NIM1K: variants seen among roughly 807,000 people sequenced by gnomAD.
NIM1K encodes the protein NIM1 serine/threonine protein kinase.
Under a neutral mutation model 37.1 loss-of-function variants are expected in NIM1K, and 35 were observed. The observed-to-expected ratio is 0.94, with a 90% CI of 0.72 to 1.25. The LOEUF (loss-of-function observed/expected upper bound fraction) is 1.25. NIM1K is among the 50% of genes most tolerant of loss of function. The pLI, the probability that NIM1K is intolerant of heterozygous loss-of-function variation, is 0.00. For missense variants in NIM1K, 564 were observed against 548.0 expected (o/e 1.03, Z -0.29); for synonymous variants, 234 against 206.6 (o/e 1.13, Z -1.14).
chr5:43,264,873 T>G (rs957731659), intron 2 of NIM1K, among the ~76,000 whole-genome samples: 2 of 152,230 alleles, frequency 1.3e-5, no homozygotes, highest in Admixed American at 6.5e-5. Context: ...CTTCTTCACT[T>G]ATGAAGCTTA....
chr5:43,218,726 T>TA (rs1459106067), intron 1 of NIM1K, among the ~76,000 whole-genome samples: 1 of 139,752 alleles, frequency 7.2e-6, no homozygotes, highest in African/African-American at 2.8e-5. Context: ...CTTCTTTTCT[T>TA]TTTTTTTTTT....
chr5:43,233,303 A>T, intron 1 of NIM1K: 1 of 382,116 alleles, frequency 2.6e-6, no homozygotes. Flanking sequence ...CTAAGGCAAG[A>T]GTGACACTTA....
At chr5:43,231,290 C>T (rs1752534498) in intron 1 of NIM1K, among the ~76,000 whole-genome samples, 1 of 152,188 alleles carries the variant, frequency 6.6e-6, no homozygotes, top group African/African-American at 2.4e-5. Context: ...GCAGTCCAGC[C>T]TGAGTGACAG....
At chr5:43,210,896 T>A (rs1752194244) in intron 1 of NIM1K, among the ~76,000 whole-genome samples, 1 of 152,074 alleles carries the variant, frequency 6.6e-6, no homozygotes, top group African/African-American at 2.4e-5. Context: ...TGGAGCTGGG[T>A]GTGGTAGCTC....
intron 2 of NIM1K, among the ~76,000 whole-genome samples, chr5:43,263,496 C>T (rs1354696628): frequency 3.3e-5 from 5 of 151,112 alleles, no homozygotes; most frequent in African/African-American, 1.2e-4. Context: ...TGATTCTTCT[C>T]TCTTTTCTTC....
Position 43,213,256 on chromosome 5 carries a change from C to CCT in NIM1K, c.-695+20845_-695+20846insCT, listed in dbSNP as rs1490037968. ...TTTCTTCCTTTCTTTCTTTCTTGTT[C>CCT]TTTCTTGTTTCTTTTTCTTTCTTGT... On this transcript the variant is annotated intron_variant, in intron 1 of 3. Transcript: ENST00000326035. Among the ~76,000 whole-genome samples, 16 of 126,630 alleles carry CCT rather than the reference C, an allele frequency of 1.3e-4. 2 individuals are homozygous for CCT. Among genetic ancestry groups the CCT allele is most frequent in the African/African-American group, 4.5e-4 (15 of 33,180 alleles). The allele number at this position is 126,630 out of a possible 152,430, so 83.1% of individuals were successfully genotyped here.
chr5:43,227,260 A>T (rs1561079446), intron 1 of NIM1K, among the ~76,000 whole-genome samples: 2 of 152,200 alleles, frequency 1.3e-5, no homozygotes, highest in South Asian at 4.1e-4. Context: ...CTCGGGAGGC[A>T]GAGGCAGGAG....
intron 2 of NIM1K, among the ~76,000 whole-genome samples, chr5:43,255,088 T>C (rs927659992): frequency 2.6e-5 from 4 of 152,152 alleles, no homozygotes; most frequent in African/African-American, 7.2e-5. Context: ...TCCAATGATA[T>C]AGGAATGGTC....
At chr5:43,277,030 C>A (rs1272901040) in intron 2 of NIM1K, 27 bp from the exon 3 acceptor site, 1 of 1,610,054 alleles carries the variant, frequency 6.2e-7, no homozygotes, top group Non-Finnish European at 8.5e-7. Flanking sequence ...TGAATTCTGG[C>A]ACAATTTTTA....
At chr5:43,279,002 A>G (rs1444078770) in intron 3 of NIM1K, among the ~76,000 whole-genome samples, 1 of 152,180 alleles carries the variant, frequency 6.6e-6, no homozygotes, top group African/African-American at 2.4e-5. Flanking sequence ...TCCACATTCT[A>G]CTTGGAAAAG....
intron 1 of NIM1K, among the ~76,000 whole-genome samples, chr5:43,206,001 C>T (rs1355467725): frequency 3.3e-5 from 5 of 152,112 alleles, no homozygotes; most frequent in Admixed American, 1.3e-4. Context: ...CATGAGCTTC[C>T]GCGCCCGGCC....
At chr5:43,269,208 G>A (rs1251514872) in intron 2 of NIM1K, among the ~76,000 whole-genome samples, 1 of 150,342 alleles carries the variant, frequency 6.7e-6, no homozygotes, top group South Asian at 2.1e-4. Context: ...TACTCAGGAG[G>A]CTGAGGCAGG....
At chr5:43,235,365 T>C (rs1752606151) in intron 1 of NIM1K, among the ~76,000 whole-genome samples, 1 of 152,240 alleles carries the variant, frequency 6.6e-6, no homozygotes, top group Non-Finnish European at 1.5e-5. Context: ...AAAATATTAA[T>C]ACTGGAGGGT....
intron 1 of NIM1K, among the ~76,000 whole-genome samples, chr5:43,216,454 A>G (rs536454408): frequency 2.0e-5 from 3 of 152,354 alleles, no homozygotes; most frequent in East Asian, 3.9e-4. Flanking sequence ...AGTGCGTTTC[A>G]TATCTTTTGG....
At position 43,244,052 on chromosome 5, in the gene NIM1K, T is replaced by A. The variant is rs540084817; in HGVS notation, c.-694-1030T>A. Among the ~76,000 whole-genome samples, 36 of 152,342 alleles carry A rather than the reference T, an allele frequency of 2.4e-4. No homozygotes were observed. In the South Asian group the frequency reaches 4.1e-3, roughly 18 times the overall value. On this transcript the variant is annotated intron_variant, in intron 1 of 3. Transcript: ENST00000326035. ...ATAGGAGCAGTACTGGGCATCAACCTCCTCTTTACTTCCCTTATTTATGTT... is the reference window on the plus strand; with the variant it reads ...ATAGGAGCAGTACTGGGCATCAACCACCTCTTTACTTCCCTTATTTATGTT...
chr5:43,227,264 G>A (rs1175131985), intron 1 of NIM1K, among the ~76,000 whole-genome samples: 2 of 152,148 alleles, frequency 1.3e-5, no homozygotes, highest in Non-Finnish European at 2.9e-5. Context: ...GGAGGCAGAG[G>A]CAGGAGAATC....
At chr5:43,213,983 C>T (rs917590651) in intron 1 of NIM1K, among the ~76,000 whole-genome samples, 2 of 139,096 alleles carry the variant, frequency 1.4e-5, no homozygotes, top group African/African-American at 2.6e-5. Context: ...CTCTTTCTTT[C>T]TTTTTTTTTT....
intron 1 of NIM1K, among the ~76,000 whole-genome samples, chr5:43,210,856 C>T (rs1192571567): frequency 1.3e-5 from 2 of 152,226 alleles, no homozygotes; most frequent in Non-Finnish European, 2.9e-5. Context: ...TCTACCATCA[C>T]ATCTTGATGT....
At chr5:43,278,031 CCTTCCTTT>C (rs1341378353) in intron 3 of NIM1K, among the ~76,000 whole-genome samples, 3 of 149,872 alleles carry the variant, frequency 2.0e-5, no homozygotes, top group East Asian at 2.0e-4. Flanking sequence ...TTCCTTCCTT[CCTTCCTTT>C]CTTTCTGTTT....
Sources: gnomAD v4.1 joint callset for allele counts (sites outside exome capture counted in the v4.1 genomes callset) on GRCh38, gnomAD v4.1.1 for gene constraint, MANE v1.5 for transcripts, NCBI Gene and HGNC (gene_info 2026-07-23, HGNC 2026-07-21) for gene names.